Variants in SETD1B observed in about 807,000 individuals in gnomAD.
The protein encoded by SETD1B is SET domain containing 1B, histone lysine methyltransferase, also known as histone-lysine N-methyltransferase SETD1B.
A neutral mutation model predicts 148.0 loss-of-function variants in SETD1B; 7 were observed. The ratio of observed to expected loss-of-function variants is 0.05; its 90% CI spans 0.03 to 0.09. The LOEUF is 0.09. SETD1B is among the 10% of genes least tolerant of loss of function. The probability of loss-of-function intolerance (pLI) is 1.00; values close to 1 mark genes in which losing one functional copy is unlikely to be tolerated. For synonymous variants in SETD1B, 1,361 were observed against 1,186.5 expected (o/e 1.15, Z -3.02); for missense variants, 2,155 against 2,729.9 (o/e 0.79, Z 4.69).
At chr12:121,800,213 A>C (rs1437347271), upstream of SETD1B, 1 of 151,772 alleles carries the variant, frequency 6.6e-6, no homozygotes, top group African/African-American at 2.4e-5. Context: ...CTTCGCCGGG[A>C]GCCCCGCGCC....
At chr12:121,821,640 G>A (rs1876572994) in intron 11 of SETD1B, among the ~76,000 whole-genome samples, 2 of 146,368 alleles carry the variant, frequency 1.4e-5, no homozygotes, top group Admixed American at 1.4e-4. Flanking sequence ...AATCCCAGCG[G>A]CTTGGGAGGC....
chr12:121,819,870 C>G lies in SETD1B; in HGVS notation c.3885C>G (p.Pro1295=), dbSNP rs1161970054. The G allele has an allele frequency of 2.6e-6, 4 of 1,551,030 alleles. No individual in the cohort carries two copies. Among genetic ancestry groups the G allele is most frequent in the Middle Eastern group, 1.7e-4 (1 of 5,980 alleles). Residue 1295 remains proline (P), a synonymous_variant, in exon 11 of 17, where the codon CCC becomes CCG. Transcript: ENST00000604567. ...EPPAKEVEAR[P]PLSPERAPEH... ...CTGCCAAGGAGGTGGAGGCTCGACC[C>G]CCATTGTCCCCTGAGCGAGCTCCAG... is the stretch of plus-strand genomic sequence containing the variant.
At chr12:121,796,707 A>T in the SETD1B span, among the ~76,000 whole-genome samples, 1 of 152,236 alleles carries the variant, frequency 6.6e-6, no homozygotes, top group African/African-American at 2.4e-5. Flanking sequence ...TTGAGTGCTA[A>T]AAGTTCCCGT....
upstream of SETD1B, chr12:121,799,744 G>GGGGGGGGGGGGGGT (rs1201378528): frequency 6.9e-6 from 1 of 144,228 alleles, no homozygotes; most frequent in Non-Finnish European, 1.5e-5. Context: ...GGTGGGGCGG[G>GGGGGGGGGGGGGGT]GCCGCAGAAC....
rs1877041947 is a variant in SETD1B at position 121,830,452 on chromosome 12, C to T, written c.*213C>T. Reference sequence around the variant, plus strand: ...AAGGGCTTCTCTGTCGTTCAGCCCACGTCTCTCTCATTTTAACAAACGCCC... The same window carrying T: ...AAGGGCTTCTCTGTCGTTCAGCCCATGTCTCTCTCATTTTAACAAACGCCC... On this transcript the variant is annotated 3_prime_UTR_variant, in exon 17 of 17. Transcript: ENST00000604567. This position sits in a 1 kb window ranked among gnomAD's most constrained non-coding sequence, Gnocchi z 5.7. The T allele has an allele frequency of 8.0e-6, 4 of 499,194 alleles. No homozygotes were observed. The highest frequency in any genetic ancestry group is 6.1e-5 in the South Asian group (2 of 32,968). The allele number at this position is 499,194 out of a possible 1,614,324, so 30.9% of individuals were successfully genotyped here. A position where few individuals can be genotyped will look rare whatever the true frequency, so the allele number is the denominator to read the frequency against.
chr12:121,810,170 C>T lies in SETD1B; in HGVS notation c.1225C>T (p.Pro409Ser), dbSNP rs1332310399. 6.5e-7 allele frequency: 1 copy of T among 1,549,808 alleles called. No homozygotes were observed. Among genetic ancestry groups the T allele is most frequent in the Non-Finnish European group, 8.7e-7 (1 of 1,146,860 alleles). ...TCAGACCCCAGTGGCCCACTTCCCT[C>T]CACCCCCGGAAGAGCCCACCGCCAC... The part of the protein sequence containing the change: ...PYQTPVAHFP[P>S]PPEEPTATAA... The change falls in exon 6 of 17, where the codon CCA becomes TCA. Residue 409 changes from proline to serine, a missense_variant. Pro to Ser is a moderately conservative substitution (Grantham distance 74). Transcript: ENST00000604567. This position sits in a 1 kb window ranked among gnomAD's most constrained non-coding sequence, Gnocchi z 7.6.
Position 121,823,547 on chromosome 12 carries a change from T to G in SETD1B, c.4968T>G (p.Pro1656=). ...PKKRHEDLVP[P]AGSPELSPPQ... The stretch of plus-strand genomic sequence containing the variant: ...AGCGCCATGAGGACCTGGTGCCACC[T>G]GCGGGCTCGCCCGAACTCTCGCCAC... Residue 1656 remains proline (P), a synonymous_variant, in exon 12 of 17, where the codon CCT becomes CCG. Transcript: ENST00000604567. 6.4e-7 allele frequency: 1 copy of G among 1,551,078 alleles called. No individual in the cohort carries two copies. Among genetic ancestry groups the G allele is most frequent in the Non-Finnish European group, 8.7e-7 (1 of 1,146,904 alleles).
upstream of SETD1B, chr12:121,801,110 C>G (rs1174773819): frequency 6.6e-6 from 1 of 152,240 alleles, no homozygotes; most frequent in Non-Finnish European, 1.5e-5. Context: ...AACATGGACG[C>G]CGGCCTTTTG....
rs899338755 is a variant in SETD1B at position 121,810,107 on chromosome 12, A to C, written c.1162A>C (p.Thr388Pro). ...CCACACTCCACCACCCGCCCAAGCA[A>C]CCCCTGCTCCTGGATTCAAGTCTGC... is the stretch of plus-strand genomic sequence containing the variant. The part of the protein sequence containing the change: ...FAHTPPPAQA[T>P]PAPGFKSAFS... The change falls in exon 6 of 17, where the codon ACC becomes CCC. Residue 388 changes from threonine (T) to proline (P), a missense_variant. This residue lies in a region of SETD1B where 376 missense variants were observed against 385.0 expected (regional missense o/e 0.98). Coordinates refer to ENST00000604567, the MANE Select transcript of SETD1B (RefSeq NM_001353345.2). The surrounding 1 kb of genome is among the most constrained non-coding windows in gnomAD (Gnocchi z 7.6). The C allele has an allele frequency of 1.2e-5, 18 of 1,549,464 alleles. No individual in the cohort carries two copies. Among genetic ancestry groups the C allele is most frequent in the Middle Eastern group, 1.7e-4 (1 of 5,990 alleles).
chr12:121,823,303 G>A lies in SETD1B; in HGVS notation c.4724G>A (p.Arg1575Gln), dbSNP rs1381258158. The change falls in exon 12 of 17, where the codon CGG becomes CAG. Residue 1575 changes from arginine to glutamine, a missense_variant. By Grantham distance (43) the Arg-to-Gln change is conservative. Coordinates refer to ENST00000604567, the MANE Select transcript of SETD1B (RefSeq NM_001353345.2). ...CCCCGGACGGTGACCCTGGACTTCCGGAACGCGGGGATCCCAGCCCCTCCA... is the reference window on the plus strand; with the variant it reads ...CCCCGGACGGTGACCCTGGACTTCCAGAACGCGGGGATCCCAGCCCCTCCA... ...HDPRTVTLDF[R>Q]NAGIPAPPPP... 1.9e-6 allele frequency: 3 copies of A among 1,548,254 alleles called. No homozygotes were observed. The highest frequency in any genetic ancestry group is 1.2e-5 in the South Asian group (1 of 83,998).
rs180787001 is a variant in SETD1B at position 121,824,142 on chromosome 12, T to C, written c.5170+393T>C. On this transcript the variant is annotated intron_variant, in intron 12 of 16. Transcript: ENST00000604567. The stretch of plus-strand genomic sequence containing the variant: ...ATTCCCATTTTACATATGAAGAAGC[T>C]AAGGCTCAGAGAGGTTCAGTGACCT... 9.1e-4 allele frequency among the ~76,000 whole-genome samples: 139 copies of C among 152,302 alleles called. 2 individuals carry two copies. The East Asian group carries it at 0.024, about 26-fold the overall frequency.
At chr12:121,793,635 G>A in the SETD1B span, 3 of 1,534,446 alleles carry the variant, frequency 2.0e-6, no homozygotes, top group African/African-American at 1.4e-5. Flanking sequence ...GGCATCCATT[G>A]CCCGGAGCCC....
Position 121,828,103 on chromosome 12 carries a change from TG to T in SETD1B, c.5727+34del, listed in dbSNP as rs1355163204. ...CCCAGCGGGGGGTGGCCCCTGCCCCTGCTCCTGCCCCTGGCCCTGCTTCTGT... is the reference window on the plus strand; with the variant it reads ...CCCAGCGGGGGGTGGCCCCTGCCCCTCTCCTGCCCCTGGCCCTGCTTCTGT... On this transcript the variant is annotated intron_variant, in intron 16 of 16. Coordinates refer to ENST00000604567, the MANE Select transcript of SETD1B (RefSeq NM_001353345.2). 1.9e-6 allele frequency: 3 copies of T among 1,548,270 alleles called. No homozygotes were observed. In the South Asian group the frequency reaches 3.6e-5, roughly 18 times the overall value.
chr12:121,823,353 C>T lies in SETD1B; in HGVS notation c.4774C>T (p.Pro1592Ser). 2 of 1,098,544 alleles carry T rather than the reference C, an allele frequency of 1.8e-6. No homozygotes were observed. The highest frequency in any genetic ancestry group is 2.6e-6 in the Non-Finnish European group (2 of 769,182). 68.0% of individuals were successfully genotyped at this position (1,098,544 alleles called of 1,614,324 possible). A position where few individuals can be genotyped will look rare whatever the true frequency, so the allele number is the denominator to read the frequency against. The change falls in exon 12 of 17, where the codon CCA becomes TCA. Residue 1592 changes from proline (P) to serine (S), a missense_variant. This residue lies in a region of SETD1B where 862 missense variants were observed against 873.8 expected (regional missense o/e 0.99). Coordinates refer to ENST00000604567, the MANE Select transcript of SETD1B (RefSeq NM_001353345.2). ...ACCACCCCTTCCCCCCCAGCCACCC[C>T]CACCCCCACCTCCCCCACCTGTAGA... ...PPPPLPPQPP[P>S]PPPPPPVEPT...
chr12:121,797,385 C>T, the SETD1B span: 6 of 446,638 alleles, frequency 1.3e-5, no homozygotes, highest in Admixed American at 2.4e-5. Flanking sequence ...GCTGGGTGAC[C>T]GGTGGGCGGG....
In SETD1B at chr12:121,817,853, G is replaced by T; in HGVS notation, c.3367G>T (p.Asp1123Tyr). ...GGACGAGTCTGAGAACGATGACGAG[G>T]ACACAGCCCTGTCAGAGGCGAGTGA... Reference protein sequence around the residue: ...DRDESENDDEDTALSEASEKD... With the variant: ...DRDESENDDEYTALSEASEKD... Residue 1123 changes from aspartate to tyrosine, a missense_variant, in exon 10 of 17, where the codon GAC (aspartate) becomes TAC (tyrosine). Physicochemically the swap from Asp to Tyr is radical, Grantham distance 160. This residue lies in a region of SETD1B where 862 missense variants were observed against 873.8 expected (regional missense o/e 0.99). Coordinates refer to ENST00000604567, the MANE Select transcript of SETD1B (RefSeq NM_001353345.2). This position sits in a 1 kb window ranked among gnomAD's most constrained non-coding sequence, Gnocchi z 8.1. 6.4e-7 allele frequency: 1 copy of T among 1,551,250 alleles called. No homozygotes were observed.
Position 121,830,389 on chromosome 12 carries a change from T to G in SETD1B, c.*150T>G. Reference sequence around the variant, plus strand: ...CCATTCAGGGCCTGGCGCCCCACACTACCCCCTGGAGCCCCTGGCTCCGGC... The same window carrying G: ...CCATTCAGGGCCTGGCGCCCCACACGACCCCCTGGAGCCCCTGGCTCCGGC... On this transcript the variant is annotated 3_prime_UTR_variant, in exon 17 of 17. Coordinates refer to ENST00000604567, the MANE Select transcript of SETD1B (RefSeq NM_001353345.2). The surrounding 1 kb of genome is among the most constrained non-coding windows in gnomAD (Gnocchi z 5.7). The G allele has an allele frequency of 7.4e-6, 5 of 674,106 alleles. No homozygotes were observed. Among genetic ancestry groups the G allele is most frequent in the Non-Finnish European group, 9.7e-6 (4 of 414,336 alleles). 41.8% of individuals were successfully genotyped at this position (674,106 alleles called of 1,614,324 possible). A position where few individuals can be genotyped will look rare whatever the true frequency, so the allele number is the denominator to read the frequency against.
At chr12:121,792,797 T>G in the SETD1B span, among the ~76,000 whole-genome samples, 2 of 152,158 alleles carry the variant, frequency 1.3e-5, no homozygotes, top group Non-Finnish European at 2.9e-5. Context: ...AATCTGCAGC[T>G]CACAGAGTCT....
In SETD1B at chr12:121,823,034, A is replaced by G; in HGVS notation, c.4455A>G (p.Ala1485=). ...PLPLPLPLPL[A]LPAVLRAQAR... is the part of the protein sequence containing the mutation. ...CCCTTCCCCTGCCCTTGCCCTTGGC[A>G]TTGCCCGCCGTCTTGCGGGCCCAGG... The change falls in exon 12 of 17, where the codon GCA becomes GCG. Residue 1485 remains alanine, a synonymous_variant. Coordinates refer to ENST00000604567, the MANE Select transcript of SETD1B (RefSeq NM_001353345.2). The G allele has an allele frequency of 6.7e-7, 1 of 1,497,396 alleles. No individual in the cohort carries two copies. The highest frequency in any genetic ancestry group is 8.9e-7 in the Non-Finnish European group (1 of 1,124,598). The allele number at this position is 1,497,396 out of a possible 1,614,324, so 92.8% of individuals were successfully genotyped here.
Sources: allele counts gnomAD v4.1 joint callset (sites outside exome capture counted in the v4.1 genomes callset), GRCh38; gene constraint gnomAD v4.1.1; regional missense constraint gnomAD v4.1.1; non-coding constraint Gnocchi (gnomAD v3.1); transcripts MANE v1.5; gene names NCBI Gene and HGNC (gene_info 2026-07-23, HGNC 2026-07-21).